Variants in MACF1 observed in about 807,000 individuals in gnomAD.
MACF1 encodes the protein microtubule-actin cross-linking factor 1.
A neutral mutation model predicts 854.8 loss-of-function variants in MACF1; 193 were observed. The ratio of observed to expected loss-of-function variants is 0.23; its 90% CI spans 0.20 to 0.25. MACF1 has a LOEUF of 0.25. Ranked by LOEUF, MACF1 falls within the 10% of genes least tolerant of loss-of-function variation. MACF1 has a pLI of 1.00. For synonymous variants in MACF1, 3,185 were observed against 3,226.7 expected, an observed-to-expected ratio of 0.99 and a Z score of 0.44; for missense variants, 7,722 against 8,929.1, an observed-to-expected ratio of 0.86 and a Z score of 5.45.
At position 39,269,219 on chromosome 1, in the gene MACF1, C is replaced by G. The variant is rs558888129; in HGVS notation, c.528+11191C>G. The G allele has an allele frequency of 5.4e-6, 7 of 1,289,972 alleles. No homozygotes were observed. In the South Asian group the frequency reaches 8.6e-5, roughly 16 times the overall value. 79.9% of individuals were successfully genotyped at this position (1,289,972 alleles called of 1,614,324 possible). A position where few individuals can be genotyped will look rare whatever the true frequency, so the allele number is the denominator to read the frequency against. On this transcript the variant is annotated intron_variant, in intron 6 of 100. Transcript: ENST00000564288. ...TTCCTAGGACAGCATCCTGCAGCAG[C>G]AGGGCTGTGTTGCTGCCTTTGCAAG...
chr1:39,432,658 C>T lies in MACF1; in HGVS notation c.17457+4C>T, dbSNP rs774258728. On this transcript the variant is annotated splice_donor_region_variant and intron_variant, in intron 67 of 100. Transcript: ENST00000564288. ...AGCTCAGCTTCAGGTACAGAAGGTACGTGCCCACTCTTTCCTGAGCTAATA... is the reference window on the plus strand; with the variant it reads ...AGCTCAGCTTCAGGTACAGAAGGTATGTGCCCACTCTTTCCTGAGCTAATA... The T allele has an allele frequency of 1.4e-5, 22 of 1,612,704 alleles. No individual in the cohort carries two copies. The highest frequency in any genetic ancestry group is 1.7e-5 in the Admixed American group (1 of 59,740).
In MACF1 at chr1:39,422,433, T is replaced by G. The variant is rs773241712; in HGVS notation, c.15876T>G (p.Leu5292=). The G allele has an allele frequency of 6.2e-7, 1 of 1,614,016 alleles. No homozygotes were observed. Among genetic ancestry groups the G allele is most frequent in the Non-Finnish European group, 8.5e-7 (1 of 1,180,002 alleles). The part of the protein sequence containing the change: ...LQMKLQQVNG[L]GQGLIQSAGK... ...TGAAATTGCAGCAGGTGAATGGACT[T>G]GGCCAGGGATTAATTCAGAGTGCAG... Residue 5292 remains leucine, a synonymous_variant, in exon 59 of 101, where the codon CTT becomes CTG. Transcript: ENST00000564288.
At chr1:39,411,535 G>T in intron 58 of MACF1, 1 of 1,613,902 alleles carries the variant, frequency 6.2e-7, no homozygotes, top group East Asian at 2.2e-5. Flanking sequence ...TGTTCTTACA[G>T]GTGAGGATAT....
At chr1:39,225,305 T>C (rs903384621) in intron 1 of MACF1, among the ~76,000 whole-genome samples, 42 of 143,640 alleles carry the variant, frequency 2.9e-4, no homozygotes, top group East Asian at 1.9e-3. Context: ...CAAGCTCCGC[T>C]TCCCGGGTTC....
chr1:39,386,526 G>A (rs188100343), intron 57 of MACF1, among the ~76,000 whole-genome samples: 34 of 151,830 alleles, frequency 2.2e-4, no homozygotes, highest in Middle Eastern at 6.8e-3. Context: ...CCGCCTCCTC[G>A]GTTCAAGCAA....
chr1:39,486,128 T>G lies in MACF1; in HGVS notation c.*334T>G, dbSNP rs1645098213. The G allele has an allele frequency of 5.6e-6, 1 of 180,076 alleles. No homozygotes were observed. 11.2% of individuals were successfully genotyped at this position (180,076 alleles called of 1,614,324 possible). A position where few individuals can be genotyped will look rare whatever the true frequency, so the allele number is the denominator to read the frequency against. On this transcript the variant is annotated 3_prime_UTR_variant, in exon 101 of 101. Transcript: ENST00000564288. ...CGCGGTGCAGGGTTGTAAACCTGCTTTATCTTTTAGGATTATTCCTAAATG... is the reference window on the plus strand; with the variant it reads ...CGCGGTGCAGGGTTGTAAACCTGCTGTATCTTTTAGGATTATTCCTAAATG...
At chr1:39,314,797 C>T (rs1460781419) in intron 26 of MACF1, among the ~76,000 whole-genome samples, 2 of 152,190 alleles carry the variant, frequency 1.3e-5, no homozygotes, top group Non-Finnish European at 2.9e-5. Context: ...TAACTCACTG[C>T]AGTAAACAAA....
At chr1:39,412,997 C>A in intron 58 of MACF1, 1 of 1,584,076 alleles carries the variant, frequency 6.3e-7, no homozygotes. Flanking sequence ...ACTGTCCCAG[C>A]TGTTACAGTA....
chr1:39,406,817 C>T (rs1642733874), intron 58 of MACF1, among the ~76,000 whole-genome samples: 1 of 149,430 alleles, frequency 6.7e-6, no homozygotes, highest in Non-Finnish European at 1.5e-5. Context: ...TCCTCAGATT[C>T]TTCCAACCAG....
At chr1:39,294,938 A>C in intron 18 of MACF1, 108 bp from the exon 19 acceptor site, 1 of 746,548 alleles carries the variant, frequency 1.3e-6, no homozygotes, top group South Asian at 1.7e-5. Flanking sequence ...TTTTGCCACC[A>C]ATTCTATATT....
intron 2 of MACF1, among the ~76,000 whole-genome samples, chr1:39,114,719 G>T (rs1642503198): frequency 1.3e-5 from 2 of 152,184 alleles, no homozygotes; most frequent in African/African-American, 4.8e-5. Flanking sequence ...TGATCTTACT[G>T]TTAAATGGAG....
In MACF1 at chr1:39,487,045, G is replaced by C. The variant is rs1048204918; in HGVS notation, c.*1251G>C. 1 of 152,304 alleles carries C rather than the reference G, an allele frequency of 6.6e-6. No individual in the cohort carries two copies. Among genetic ancestry groups the C allele is most frequent in the African/African-American group, 2.4e-5 (1 of 41,376 alleles). 9.4% of individuals were successfully genotyped at this position (152,304 alleles called of 1,614,324 possible). A position where few individuals can be genotyped will look rare whatever the true frequency, so the allele number is the denominator to read the frequency against. Reference sequence around the variant, plus strand: ...ACCTTATCTATAAATGTTACCCTGGGGTATAATCATGTTGTAGGTACTTAA... The same window carrying C: ...ACCTTATCTATAAATGTTACCCTGGCGTATAATCATGTTGTAGGTACTTAA... On this transcript the variant is annotated 3_prime_UTR_variant, in exon 101 of 101. Transcript: ENST00000564288.
intron 26 of MACF1, among the ~76,000 whole-genome samples, chr1:39,314,630 C>G (rs77086991): frequency 0.053 from 7,881 of 148,890 alleles, 283 homozygotes; most frequent in African/African-American, 0.097. Context: ...TATTTGTCTC[C>G]CCATCCAGTT....
At chr1:39,190,442 C>A (rs1186842969) in intron 2 of MACF1, among the ~76,000 whole-genome samples, 1 of 131,478 alleles carries the variant, frequency 7.6e-6, no homozygotes, top group Non-Finnish European at 1.6e-5. Flanking sequence ...CTTTGTCACC[C>A]AGGTTGAAGT....
At position 39,285,599 on chromosome 1, in the gene MACF1, C is replaced by T; in HGVS notation, c.1354-5C>T. The T allele has an allele frequency of 1.2e-6, 2 of 1,612,150 alleles. No homozygotes were observed. Among genetic ancestry groups the T allele is most frequent in the Non-Finnish European group, 1.7e-6 (2 of 1,178,928 alleles). ...TCCCACTGTTATTCTCTCTTCCTGT[C>T]TCAGGATGCTGCTCACCTGGAATCA... On this transcript the variant is annotated splice_polypyrimidine_tract_variant and splice_region_variant and intron_variant, in intron 13 of 100. Transcript: ENST00000564288.
intron 38 of MACF1, among the ~76,000 whole-genome samples, chr1:39,338,193 T>C (rs372300266): frequency 3.9e-4 from 59 of 152,078 alleles, no homozygotes; most frequent in African/African-American, 1.4e-3. Context: ...GTAGATTAGA[T>C]ATGTAAGTTA....
At chr1:39,149,762 T>C (rs932115699) in intron 2 of MACF1, among the ~76,000 whole-genome samples, 5 of 151,998 alleles carry the variant, frequency 3.3e-5, no homozygotes, top group Admixed American at 2.6e-4. Flanking sequence ...CATAATTGCC[T>C]CTCTAGCCTC....
In MACF1 at chr1:39,214,100, C is replaced by T. The variant is rs76320174; in HGVS notation, c.109+8969C>T. On this transcript the variant is annotated intron_variant, in intron 1 of 100. Coordinates refer to ENST00000564288, the MANE Select transcript of MACF1 (RefSeq NM_001394062.1). ...CCTAGGTGCTGCCCCTCCTCCCTCC[C>T]TGCCTTCAGGAACAGGATTGAAAGC... is the stretch of plus-strand genomic sequence containing the variant. Among the ~76,000 whole-genome samples, 1,142 of 152,264 alleles carry T rather than the reference C, an allele frequency of 7.5e-3. 10 individuals are homozygous for T. The highest frequency in any genetic ancestry group is 0.017 in the Middle Eastern group (5 of 294).
At chr1:39,313,767 A>G (rs1646350505) in intron 26 of MACF1, among the ~76,000 whole-genome samples, 1 of 151,698 alleles carries the variant, frequency 6.6e-6, no homozygotes, top group Non-Finnish European at 1.5e-5. Context: ...TCATTTTTTG[A>G]GTTATTTCCT....
Sources: allele counts gnomAD v4.1 joint callset (sites outside exome capture counted in the v4.1 genomes callset), GRCh38; gene constraint gnomAD v4.1.1; transcripts MANE v1.5; gene names NCBI Gene and HGNC (gene_info 2026-07-23, HGNC 2026-07-21).